The following STIM1 variants were observed in gnomAD, a reference collection of about 807,000 sequenced individuals.
The protein encoded by STIM1 is stromal interaction molecule 1.
STIM1 carries 25 observed loss-of-function variants against 74.7 expected under a neutral mutation model. The ratio of observed to expected loss-of-function variants is 0.33; its 90% CI spans 0.24 to 0.47. STIM1 has a LOEUF of 0.47. STIM1 is among the 20% of genes least tolerant of loss of function. The pLI is 1.00. For synonymous variants in STIM1, 328 were observed against 348.8 expected (o/e 0.94, Z 0.66); for missense variants, 728 against 920.8 (o/e 0.79, Z 2.71).
At chr11:4,004,059 A>G (rs2093750929) in intron 2 of STIM1, among the ~76,000 whole-genome samples, 1 of 152,162 alleles carries the variant, frequency 6.6e-6, no homozygotes, top group South Asian at 2.1e-4. Context: ...CTTCAAGGAG[A>G]ACTACAAACC....
chr11:3,948,179 G>C (rs1374467968), intron 1 of STIM1, among the ~76,000 whole-genome samples: 1 of 152,140 alleles, frequency 6.6e-6, no homozygotes, highest in Admixed American at 6.5e-5. Context: ...GCATCCCAGG[G>C]CCTTCCCTGG....
At chr11:3,908,447 C>T (rs1191257329) in intron 1 of STIM1, among the ~76,000 whole-genome samples, 1 of 151,978 alleles carries the variant, frequency 6.6e-6, no homozygotes, top group Non-Finnish European at 1.5e-5. Context: ...CCTGTCTCTA[C>T]TAAAAACACA....
chr11:4,091,226 C>G, intron 12 of STIM1, 56 bp from the exon 13 acceptor site: 1 of 1,611,542 alleles, frequency 6.2e-7, no homozygotes, highest in Non-Finnish European at 8.5e-7. Flanking sequence ...TCGCCTTTCC[C>G]CTATCACCTC....
chr11:4,012,522 G>C (rs2093847926), intron 2 of STIM1, among the ~76,000 whole-genome samples: 1 of 151,778 alleles, frequency 6.6e-6, no homozygotes, highest in Non-Finnish European at 1.5e-5. Flanking sequence ...TTGGCTCTCT[G>C]TTTGTCTGTT....
chr11:3,882,642 C>G (rs1210118599), intron 1 of STIM1, among the ~76,000 whole-genome samples: 1 of 152,106 alleles, frequency 6.6e-6, no homozygotes, highest in African/African-American at 2.4e-5. Flanking sequence ...GTTTGAGTAC[C>G]TGTTTCCAGT....
intron 2 of STIM1, among the ~76,000 whole-genome samples, chr11:4,005,835 C>T (rs967814394): frequency 8.5e-5 from 13 of 152,112 alleles, no homozygotes; most frequent in Admixed American, 1.3e-4. Context: ...GTATCCCTGC[C>T]TTGAGCAACA....
intron 3 of STIM1, among the ~76,000 whole-genome samples, chr11:4,036,578 G>A (rs2094104664): frequency 1.3e-5 from 2 of 152,122 alleles, no homozygotes; most frequent in African/African-American, 4.8e-5. Context: ...TCTCATTGTG[G>A]TTTTGATTTG....
chr11:3,894,833 G>A (rs565663595), intron 1 of STIM1, among the ~76,000 whole-genome samples: 30 of 151,968 alleles, frequency 2.0e-4, no homozygotes, highest in Admixed American at 4.6e-4. Flanking sequence ...CCGCCTTCCG[G>A]GTTCAAGCAA....
chr11:3,998,392 TG>T (rs890052484), intron 2 of STIM1, among the ~76,000 whole-genome samples: 2 of 152,216 alleles, frequency 1.3e-5, no homozygotes, highest in Admixed American at 6.5e-5. Context: ...GCTGACAATT[TG>T]GGGACCTTTT....
At chr11:3,926,101 C>A (rs141659794) in intron 1 of STIM1, among the ~76,000 whole-genome samples, 39 of 152,086 alleles carry the variant, frequency 2.6e-4, no homozygotes, top group Admixed American at 1.9e-3. Context: ...TATCTTTAAC[C>A]TATGGGGGTT....
chr11:3,985,038 G>C (rs2093545311), intron 2 of STIM1, among the ~76,000 whole-genome samples: 1 of 152,194 alleles, frequency 6.6e-6, no homozygotes, highest in African/African-American at 2.4e-5. Context: ...CTACGTATCA[G>C]TGAGAGTAGG....
At chr11:3,989,489 G>A (rs1024326984) in intron 2 of STIM1, 1 of 643,376 alleles carries the variant, frequency 1.6e-6, no homozygotes, top group African/African-American at 1.8e-5. Flanking sequence ...GTGCGTGCGG[G>A]ATGTCTGTGA....
At chr11:4,009,280 GA>G (rs1018390598) in intron 2 of STIM1, among the ~76,000 whole-genome samples, 1 of 142,144 alleles carries the variant, frequency 7.0e-6, no homozygotes, top group Non-Finnish European at 1.5e-5. Flanking sequence ...GTGCAACAGG[GA>G]AAGAGTGTCT....
intron 7 of STIM1, among the ~76,000 whole-genome samples, chr11:4,077,008 AT>A (rs1323895790): frequency 6.6e-6 from 1 of 151,882 alleles, no homozygotes; most frequent in African/African-American, 2.4e-5. Context: ...CCAAAACTCA[AT>A]TATATGCTGT....
intron 1 of STIM1, among the ~76,000 whole-genome samples, chr11:3,879,480 A>G (rs886956219): frequency 2.3e-4 from 35 of 152,168 alleles, no homozygotes; most frequent in Admixed American, 2.1e-3. Flanking sequence ...CAGCCAACTG[A>G]TGGTAGTCAT....
chr11:3,938,015 C>A (rs183818673), intron 1 of STIM1, among the ~76,000 whole-genome samples: 28 of 151,546 alleles, frequency 1.8e-4, no homozygotes, highest in African/African-American at 6.5e-4. Context: ...CTCACTGCAA[C>A]CTCCGCCTCC....
At chr11:3,930,300 T>C (rs1386411451) in intron 1 of STIM1, among the ~76,000 whole-genome samples, 2 of 152,242 alleles carry the variant, frequency 1.3e-5, no homozygotes, top group Admixed American at 1.3e-4. Context: ...CTCAGGAAGA[T>C]TGACTTAGTA....
At chr11:3,951,465 G>A (rs2093147361) in intron 1 of STIM1, among the ~76,000 whole-genome samples, 1 of 152,176 alleles carries the variant, frequency 6.6e-6, no homozygotes, top group Non-Finnish European at 1.5e-5. Flanking sequence ...CTTTTAACCA[G>A]CCAGCAAGAG....
intron 6 of STIM1, among the ~76,000 whole-genome samples, chr11:4,072,431 A>C (rs1403983988): frequency 6.6e-6 from 1 of 152,236 alleles, no homozygotes; most frequent in African/African-American, 2.4e-5. Context: ...TAATTATTTG[A>C]GGCAGGCAGG....
Sources: gnomAD v4.1 joint callset for allele counts (sites outside exome capture counted in the v4.1 genomes callset) on GRCh38, gnomAD v4.1.1 for gene constraint, MANE v1.5 for transcripts, NCBI Gene and HGNC (gene_info 2026-07-23, HGNC 2026-07-21) for gene names.